The following TYR variants were observed in gnomAD, a reference collection of about 807,000 sequenced individuals.
TYR encodes LB24-AB.
In TYR, 58 loss-of-function variants were observed where a neutral mutation model predicts 51.5. The ratio of observed to expected loss-of-function variants is 1.13; its 90% CI spans 0.91 to 1.40. TYR has a LOEUF of 1.40. TYR is among the 40% of genes most tolerant of loss of function. The pLI, the probability that TYR is intolerant of heterozygous loss-of-function variation, is 0.00. For missense variants in TYR, 732 were observed against 647.4 expected, an observed-to-expected ratio of 1.13 and a Z score of -1.42; for synonymous variants, 263 against 235.2, an observed-to-expected ratio of 1.12 and a Z score of -1.08.
At chr11:89,282,123 A>C (rs1944727409) in intron 3 of TYR, among the ~76,000 whole-genome samples, 1 of 151,846 alleles carries the variant, frequency 6.6e-6, no homozygotes, top group African/African-American at 2.4e-5. Context: ...TCATCCATTA[A>C]ATCTTTTGGT....
intron 2 of TYR, among the ~76,000 whole-genome samples, chr11:89,211,311 G>A (rs1231928672): frequency 6.6e-6 from 1 of 152,052 alleles, no homozygotes; most frequent in Admixed American, 6.6e-5. Context: ...AGCAGGGGTT[G>A]CAATCCTGGT....
At chr11:89,190,363 T>C (rs946793282) in intron 1 of TYR, among the ~76,000 whole-genome samples, 3 of 152,222 alleles carry the variant, frequency 2.0e-5, no homozygotes, top group African/African-American at 7.2e-5. Flanking sequence ...ATTGACAACT[T>C]TGACTCTGTG....
intron 3 of TYR, among the ~76,000 whole-genome samples, chr11:89,262,847 C>T (rs188268964): frequency 5.1e-3 from 98 of 19,292 alleles, no homozygotes; most frequent in Middle Eastern, 0.091. Context: ...GCTACTCATC[C>T]AAAAAAAAAA....
intron 2 of TYR, among the ~76,000 whole-genome samples, chr11:89,220,104 C>T (rs1288541072): frequency 6.6e-6 from 1 of 151,830 alleles, no homozygotes; most frequent in Non-Finnish European, 1.5e-5. Context: ...TGTGGTAGGC[C>T]GTTCTCACAT....
intron 3 of TYR, among the ~76,000 whole-genome samples, chr11:89,253,300 T>C (rs960680629): frequency 6.6e-6 from 1 of 151,752 alleles, no homozygotes; most frequent in Admixed American, 6.6e-5. Flanking sequence ...AAATATCTGT[T>C]TTTATTGAGG....
intron 3 of TYR, among the ~76,000 whole-genome samples, chr11:89,261,842 C>A (rs1944459915): frequency 6.6e-6 from 1 of 151,658 alleles, no homozygotes; most frequent in Admixed American, 6.6e-5. Flanking sequence ...TGAAATCATA[C>A]AAGGTATATT....
rs1474348468 is a variant in TYR at position 89,295,223 on chromosome 11, A to C, written c.1447A>C (p.Met483Leu). 6.2e-7 allele frequency: 1 copy of C among 1,613,776 alleles called. No individual in the cohort carries two copies. The highest frequency in any genetic ancestry group is 1.3e-5 in the African/African-American group (1 of 74,888). The change falls in exon 5 of 5, where the codon ATG becomes CTG. Residue 483 changes from methionine to leucine, a missense_variant. Coordinates refer to ENST00000263321, the MANE Select transcript of TYR (RefSeq NM_000372.5). The stretch of plus-strand genomic sequence containing the variant: ...CTGGTCATGGCTCCTTGGGGCGGCG[A>C]TGGTAGGGGCCGTCCTCACTGCCCT... ...RIWSWLLGAA[M>L]VGAVLTALLA...
At chr11:89,227,537 G>T (rs1436876670) in intron 2 of TYR, among the ~76,000 whole-genome samples, 1 of 152,124 alleles carries the variant, frequency 6.6e-6, no homozygotes, top group Non-Finnish European at 1.5e-5. Flanking sequence ...TATTGAAACA[G>T]AAATTATAGG....
intron 3 of TYR, among the ~76,000 whole-genome samples, chr11:89,267,783 T>C (rs1005242990): frequency 1.3e-5 from 2 of 151,760 alleles, no homozygotes; most frequent in African/African-American, 4.8e-5. Flanking sequence ...ACTTAGAAAA[T>C]GGGCAAGTCA....
intron 3 of TYR, among the ~76,000 whole-genome samples, chr11:89,239,665 T>G (rs79254894): frequency 0.034 from 5,102 of 152,228 alleles, 158 homozygotes; most frequent in African/African-American, 0.08. Flanking sequence ...TTTTTGTTAA[T>G]GTAGGCATTT....
chr11:89,196,343 G>A (rs1025341647), intron 2 of TYR, among the ~76,000 whole-genome samples: 1 of 152,144 alleles, frequency 6.6e-6, no homozygotes, highest in Non-Finnish European at 1.5e-5. Flanking sequence ...AATGTTTCTG[G>A]AGACAGATAG....
At chr11:89,202,209 G>A (rs914588883) in intron 2 of TYR, among the ~76,000 whole-genome samples, 4 of 151,976 alleles carry the variant, frequency 2.6e-5, no homozygotes, top group Admixed American at 1.3e-4. Context: ...GTGGGGGCAG[G>A]GTAAAAGGTG....
chr11:89,245,896 G>A (rs913830048), intron 3 of TYR, among the ~76,000 whole-genome samples: 3 of 150,982 alleles, frequency 2.0e-5, no homozygotes, highest in African/African-American at 4.9e-5. Context: ...ACTCCAGCCC[G>A]GGCGACAGAG....
chr11:89,184,194 C>T (rs1448538092), intron 1 of TYR, among the ~76,000 whole-genome samples: 1 of 151,296 alleles, frequency 6.6e-6, no homozygotes, highest in African/African-American at 2.5e-5. Context: ...GTTAGTAATA[C>T]CTCCAGTCAT....
At position 89,284,627 on chromosome 11, in the gene TYR, G is replaced by A. The variant is rs189221098; in HGVS notation, c.1185-146G>A. On this transcript the variant is annotated intron_variant, in intron 3 of 4. Coordinates refer to ENST00000263321, the MANE Select transcript of TYR (RefSeq NM_000372.5). ...CTGAAAGAATAAACTAATACTTTACGAAATATTTTTGAAGTATAAAGAATA... is the reference window on the plus strand; with the variant it reads ...CTGAAAGAATAAACTAATACTTTACAAAATATTTTTGAAGTATAAAGAATA... The A allele has an allele frequency of 7.4e-3, 5,341 of 719,908 alleles. 45 individuals are homozygous for A. The highest frequency in any genetic ancestry group is 9.8e-3 in the Middle Eastern group (25 of 2,548). The allele number at this position is 719,908 out of a possible 1,614,324, so 44.6% of individuals were successfully genotyped here. A position where few individuals can be genotyped will look rare whatever the true frequency, so the allele number is the denominator to read the frequency against.
chr11:89,273,629 A>G (rs1206159343), intron 3 of TYR, among the ~76,000 whole-genome samples: 1 of 152,056 alleles, frequency 6.6e-6, no homozygotes, highest in African/African-American at 2.4e-5. Context: ...AGACTTCTGC[A>G]ATTGGGGCTG....
chr11:89,241,774 T>C (rs1258882744), intron 3 of TYR, among the ~76,000 whole-genome samples: 1 of 147,964 alleles, frequency 6.8e-6, no homozygotes, highest in South Asian at 2.1e-4. Context: ...TATATTACTA[T>C]AATAGATATT....
intron 3 of TYR, among the ~76,000 whole-genome samples, chr11:89,248,598 T>G (rs1944294984): frequency 6.6e-6 from 1 of 152,150 alleles, no homozygotes; most frequent in Non-Finnish European, 1.5e-5. Flanking sequence ...TGGTGCAATA[T>G]GAGATTGAAG....
At chr11:89,195,092 A>G (rs1943498240) in intron 2 of TYR, among the ~76,000 whole-genome samples, 3 of 152,196 alleles carry the variant, frequency 2.0e-5, no homozygotes, top group Admixed American at 2.0e-4. Flanking sequence ...AGCAGTGAGG[A>G]CAGTAGGACT....
Sources: allele counts gnomAD v4.1 joint callset (sites outside exome capture counted in the v4.1 genomes callset), GRCh38; gene constraint gnomAD v4.1.1; transcripts MANE v1.5; gene names NCBI Gene and HGNC (gene_info 2026-07-23, HGNC 2026-07-21).